The following NPAT variants were observed in gnomAD, a reference collection of about 807,000 sequenced individuals.
The protein encoded by NPAT is protein NPAT.
A neutral mutation model predicts 130.7 loss-of-function variants in NPAT; 52 were observed. The observed-to-expected ratio is 0.40, with a 90% CI of 0.32 to 0.50. NPAT has a LOEUF of 0.50. NPAT is among the 20% of genes least tolerant of loss of function. The probability of loss-of-function intolerance (pLI) is 0.68; values close to 1 mark genes in which losing one functional copy is unlikely to be tolerated. For missense variants in NPAT, 1,687 were observed against 1,662.6 expected (o/e 1.01, Z -0.26); for synonymous variants, 580 against 584.8 (o/e 0.99, Z 0.12).
intron 1 of NPAT, among the ~76,000 whole-genome samples, chr11:108,214,012 C>G (rs1007386379): frequency 6.6e-6 from 1 of 152,056 alleles, no homozygotes; most frequent in East Asian, 1.9e-4. Context: ...TTCAGCCAAC[C>G]CAGTAGCTAG....
chr11:108,194,846 T>TG (rs2078204936), intron 2 of NPAT, among the ~76,000 whole-genome samples: 1 of 143,804 alleles, frequency 7.0e-6, no homozygotes, highest in South Asian at 2.2e-4. Flanking sequence ...TTTTTTGAGA[T>TG]GGAGTCTTGC....
chr11:108,168,655 C>T (rs892866554), intron 15 of NPAT, among the ~76,000 whole-genome samples: 1 of 152,182 alleles, frequency 6.6e-6, no homozygotes, highest in African/African-American at 2.4e-5. Flanking sequence ...GAATATCCAC[C>T]TCAGCCACCG....
chr11:108,161,980 G>A lies in NPAT; in HGVS notation c.3106C>T (p.Leu1036Phe), dbSNP rs35303872. 1 of 1,605,790 alleles carries A rather than the reference G, an allele frequency of 6.2e-7. No individual in the cohort carries two copies. Among genetic ancestry groups the A allele is most frequent in the East Asian group, 2.2e-5 (1 of 44,838 alleles). Residue 1036 changes from leucine to phenylalanine, a missense_variant, in exon 17 of 18, where the codon CTT (leucine) becomes TTT (phenylalanine). Leu to Phe is a conservative substitution (Grantham distance 22). Transcript: ENST00000278612. ...GTGGTTTCTTCTGATTTTTTCCCAA[G>A]ATCTGTGGCAATACTTTTGTCAGAA... is the stretch of plus-strand genomic sequence containing the variant. ...EVSDKSIATDLGKKSEETTVP... is the reference protein window; with the variant it reads ...EVSDKSIATDFGKKSEETTVP...
chr11:108,161,129 G>A lies in NPAT; in HGVS notation c.3957C>T (p.Ala1319=). The change falls in exon 17 of 18, where the codon GCC becomes GCT. Residue 1319 remains alanine, a synonymous_variant. Transcript: ENST00000278612. ...VTPDLPACSP[A]SETGSENSVN... is the part of the protein sequence containing the mutation. ...CACTGTTTTCACTTCCTGTTTCACT[G>A]GCAGGGCTGCAGGCAGGCAAGTCTG... is the stretch of plus-strand genomic sequence containing the variant. 1 of 1,614,184 alleles carries A rather than the reference G, an allele frequency of 6.2e-7. No individual in the cohort carries two copies. Among genetic ancestry groups the A allele is most frequent in the Non-Finnish European group, 8.5e-7 (1 of 1,180,040 alleles).
chr11:108,176,882 G>T, intron 11 of NPAT, 112 bp downstream of exon 11: 1 of 698,338 alleles, frequency 1.4e-6, no homozygotes, highest in East Asian at 2.8e-5. Context: ...TTGATGAAAT[G>T]AAAACAAGAA....
At chr11:108,169,317 G>C (rs961979413) in intron 15 of NPAT, among the ~76,000 whole-genome samples, 9 of 152,128 alleles carry the variant, frequency 5.9e-5, no homozygotes, top group Non-Finnish European at 8.8e-5. Flanking sequence ...TAGAAATGAG[G>C]AATTTCAGGT....
In NPAT at chr11:108,188,125, C is replaced by T; in HGVS notation, c.611G>A (p.Ser204Asn). Residue 204 changes from serine (S) to asparagine (N), a missense_variant, in exon 7 of 18, where the codon AGT (serine) becomes AAT (asparagine). By Grantham distance (46) the Ser-to-Asn change is conservative. This residue lies in a region of NPAT where 307 missense variants were observed against 298.9 expected (regional missense o/e 1.03). Transcript: ENST00000278612. ...TTTGCGTCTACCGGGAGACATTAAA[C>T]TGGCATGTGCTTTCTTTTCCTGAGC... Reference protein sequence around the residue: ...PGAQEKKAHASLMSPGRRKSE... With the variant: ...PGAQEKKAHANLMSPGRRKSE... 1.2e-6 allele frequency: 2 copies of T among 1,612,420 alleles called. No homozygotes were observed. The highest frequency in any genetic ancestry group is 1.7e-6 in the Non-Finnish European group (2 of 1,179,428).
At chr11:108,186,092 C>T (rs1245218039) in intron 8 of NPAT, among the ~76,000 whole-genome samples, 4 of 151,916 alleles carry the variant, frequency 2.6e-5, no homozygotes, top group African/African-American at 9.7e-5. Context: ...TCATGGCTCA[C>T]TGCAGCCTTG....
chr11:108,202,676 T>G (rs1014202562), intron 1 of NPAT, among the ~76,000 whole-genome samples: 2 of 152,152 alleles, frequency 1.3e-5, no homozygotes, highest in African/African-American at 4.8e-5. Flanking sequence ...GAGACTTGCC[T>G]TAGAAATAAT....
chr11:108,210,106 T>C (rs1176682317), intron 1 of NPAT, among the ~76,000 whole-genome samples: 3 of 151,034 alleles, frequency 2.0e-5, no homozygotes, highest in Non-Finnish European at 4.4e-5. Context: ...ACTCAAATTA[T>C]ACTAGATCAG....
In NPAT at chr11:108,188,143, T is replaced by C; in HGVS notation, c.593A>G (p.Glu198Gly). The change falls in exon 7 of 18, where the codon GAA becomes GGA. Residue 198 changes from glutamate (E) to glycine (G), a missense_variant. This residue lies in a region of NPAT where 307 missense variants were observed against 298.9 expected (regional missense o/e 1.03). Transcript: ENST00000278612. Reference protein sequence around the residue: ...EALNVIPGAQEKKAHASLMSP... With the variant: ...EALNVIPGAQGKKAHASLMSP... Reference sequence around the variant, plus strand: ...CATTAAACTGGCATGTGCTTTCTTTTCCTGAGCACCAGGAATGACATTTAA... The same window carrying C: ...CATTAAACTGGCATGTGCTTTCTTTCCCTGAGCACCAGGAATGACATTTAA... The C allele has an allele frequency of 6.2e-7, 1 of 1,613,792 alleles. No individual in the cohort carries two copies. Among genetic ancestry groups the C allele is most frequent in the Non-Finnish European group, 8.5e-7 (1 of 1,179,858 alleles).
At chr11:108,193,562 C>T (rs1445881534) in intron 3 of NPAT, among the ~76,000 whole-genome samples, 1 of 151,942 alleles carries the variant, frequency 6.6e-6, no homozygotes, top group Non-Finnish European at 1.5e-5. Flanking sequence ...CCTGGCTCTA[C>T]TAAAAATACA....
intron 1 of NPAT, among the ~76,000 whole-genome samples, chr11:108,204,629 G>A (rs1328735246): frequency 2.0e-5 from 3 of 152,264 alleles, no homozygotes; most frequent in African/African-American, 4.8e-5. Context: ...TCTGCCAGGA[G>A]CGGACAGCCG....
chr11:108,166,021 G>A (rs2077899610), intron 15 of NPAT, among the ~76,000 whole-genome samples: 1 of 150,228 alleles, frequency 6.7e-6, no homozygotes, highest in African/African-American at 2.5e-5. Flanking sequence ...TGGGCTCAGT[G>A]ATCCACCTGT....
At chr11:108,192,222 C>A in intron 3 of NPAT, 32 bp from the exon 4 acceptor site, 1 of 1,381,654 alleles carries the variant, frequency 7.2e-7, no homozygotes. Flanking sequence ...TCTTAATAAA[C>A]CCAGCTGAAG....
In NPAT at chr11:108,185,331, G is replaced by A. The variant is rs1036364067; in HGVS notation, c.819-12C>T. On this transcript the variant is annotated splice_polypyrimidine_tract_variant and intron_variant, in intron 9 of 17. Coordinates refer to ENST00000278612, the MANE Select transcript of NPAT (RefSeq NM_002519.3). ...CAATATTGTTATCACTGTTAATAAA[G>A]AAAGAAAAATCTTTATTATAGTTAT... 1 of 1,598,234 alleles carries A rather than the reference G, an allele frequency of 6.3e-7. No homozygotes were observed. Among genetic ancestry groups the A allele is most frequent in the Non-Finnish European group, 8.6e-7 (1 of 1,168,126 alleles).
In NPAT at chr11:108,188,179, G is replaced by A. The variant is rs1437273536; in HGVS notation, c.557C>T (p.Thr186Ile). 6.2e-7 allele frequency: 1 copy of A among 1,612,166 alleles called. No homozygotes were observed. The highest frequency in any genetic ancestry group is 1.3e-5 in the African/African-American group (1 of 74,826). ...AGGAATGACATTTAAAGCTTCTCCA[G>A]CTGTATTTCAAGAAAACATAACAGT... ...NHSQSQDTVT[T>I]GEALNVIPGA... Residue 186 changes from threonine to isoleucine, a missense_variant and splice_region_variant, in exon 7 of 18, where the codon ACT becomes ATT. Transcript: ENST00000278612.
intron 1 of NPAT, among the ~76,000 whole-genome samples, chr11:108,207,064 G>C (rs1328607288): frequency 6.6e-6 from 1 of 151,924 alleles, no homozygotes; most frequent in African/African-American, 2.4e-5. Flanking sequence ...CCAACTCTCA[G>C]TGAATAGAGC....
intron 3 of NPAT, 50 bp from the exon 4 acceptor site, chr11:108,192,240 A>G (rs1415655661): frequency 2.6e-6 from 3 of 1,171,222 alleles, no homozygotes; most frequent in Non-Finnish European, 1.3e-6. Flanking sequence ...AAGAAATTTC[A>G]TCATTCATTC....
Sources: gnomAD v4.1 joint callset for allele counts (sites outside exome capture counted in the v4.1 genomes callset) on GRCh38, gnomAD v4.1.1 for gene constraint, gnomAD v4.1.1 regional missense constraint, MANE v1.5 for transcripts, NCBI Gene and HGNC (gene_info 2026-07-23, HGNC 2026-07-21) for gene names.